Variants in AOPEP observed in about 807,000 individuals in gnomAD.
AOPEP encodes aminopeptidase O (putative).
AOPEP carries 77 observed loss-of-function variants against 98.1 expected under a neutral mutation model. The observed-to-expected ratio is 0.78, with a 90% CI of 0.65 to 0.95. The LOEUF (loss-of-function observed/expected upper bound fraction) is 0.95, where lower values mean the gene tolerates loss of function less well. Among genes scored for constraint, AOPEP ranks in the 40% least tolerant of loss-of-function variants. AOPEP has a pLI of 0.00. For missense variants in AOPEP, 1,024 were observed against 1,024.7 expected (o/e 1.00, Z 0.01); for synonymous variants, 346 against 365.3 (o/e 0.95, Z 0.60).
At chr9:95,132,569 A>G in the AOPEP span, among the ~76,000 whole-genome samples, 1 of 152,234 alleles carries the variant, frequency 6.6e-6, no homozygotes, top group Non-Finnish European at 1.5e-5. Flanking sequence ...CACTTGATGT[A>G]GGAGCTACCA....
chr9:94,925,243 C>T (rs1034267094), intron 6 of AOPEP, among the ~76,000 whole-genome samples: 5 of 152,260 alleles, frequency 3.3e-5, no homozygotes, highest in Non-Finnish European at 5.9e-5. Flanking sequence ...CCCACCTTGG[C>T]CTCCCAAAGT....
chr9:95,003,142 ATGTGTGTG>A (rs139797365), intron 11 of AOPEP, among the ~76,000 whole-genome samples: 4 of 149,480 alleles, frequency 2.7e-5, no homozygotes, highest in South Asian at 2.1e-4. Context: ...AGAATTAAGA[ATGTGTGTG>A]TGTGTGTGTG....
intron 5 of AOPEP, among the ~76,000 whole-genome samples, chr9:94,810,229 AT>A (rs989709741): frequency 1.3e-5 from 2 of 151,826 alleles, no homozygotes; most frequent in Non-Finnish European, 2.9e-5. Flanking sequence ...CCCTGGCCTA[AT>A]TTTCTTCTCT....
intron 5 of AOPEP, among the ~76,000 whole-genome samples, chr9:94,864,527 A>T (rs2045487962): frequency 3.3e-5 from 5 of 152,286 alleles, no homozygotes; most frequent in Admixed American, 3.3e-4. Context: ...TTACGCTGAC[A>T]TTTCTAAAAA....
chr9:94,918,121 G>A (rs541072308), intron 5 of AOPEP, among the ~76,000 whole-genome samples: 1 of 152,286 alleles, frequency 6.6e-6, no homozygotes, highest in African/African-American at 2.4e-5. Flanking sequence ...TCAGGGAGAG[G>A]TAGACTTGTG....
At chr9:94,916,603 C>T (rs1480549328) in intron 5 of AOPEP, among the ~76,000 whole-genome samples, 3 of 151,498 alleles carry the variant, frequency 2.0e-5, no homozygotes, top group African/African-American at 7.3e-5. Flanking sequence ...ACTCGGGAGG[C>T]TGAGACCAGA....
At chr9:94,975,790 G>T (rs910398386) in intron 10 of AOPEP, among the ~76,000 whole-genome samples, 10 of 152,128 alleles carry the variant, frequency 6.6e-5, no homozygotes, top group Non-Finnish European at 1.5e-4. Context: ...CTGCAATTTT[G>T]CTCCAGAGCC....
At chr9:94,833,220 G>A (rs2041116085) in intron 5 of AOPEP, among the ~76,000 whole-genome samples, 1 of 141,144 alleles carries the variant, frequency 7.1e-6, no homozygotes, top group South Asian at 2.3e-4. Flanking sequence ...ACAAGCATGA[G>A]CCACCACACC....
Position 94,916,476 on chromosome 9 carries a change from G to C in AOPEP, c.1365-7510G>C, listed in dbSNP as rs1041765376. On this transcript the variant is annotated intron_variant, in intron 5 of 16. Transcript: ENST00000375315. ...TCCCAGCACTTTGGGAGGCCGAGGCGGGCAGACCATGAGGTCAGGAATTCA... is the reference window on the plus strand; with the variant it reads ...TCCCAGCACTTTGGGAGGCCGAGGCCGGCAGACCATGAGGTCAGGAATTCA... Among the ~76,000 whole-genome samples the C allele has an allele frequency of 2.0e-5, 3 of 152,152 alleles. No individual in the cohort carries two copies. In the South Asian group the frequency reaches 6.2e-4, roughly 32 times the overall value.
At chr9:95,087,897 T>C (rs1182387536), downstream of AOPEP, among the ~76,000 whole-genome samples, 1 of 152,188 alleles carries the variant, frequency 6.6e-6, no homozygotes, top group African/African-American at 2.4e-5. Flanking sequence ...TCTGCCTGGC[T>C]CCAGGGGGCA....
rs139690380 is a variant in AOPEP at position 94,947,340 on chromosome 9, G to A, written c.1662-7837G>A. Among the ~76,000 whole-genome samples the A allele has an allele frequency of 7.0e-4, 106 of 151,990 alleles. 1 individual carries two copies. The East Asian group carries it at 0.016, about 23-fold the overall frequency. On this transcript the variant is annotated intron_variant, in intron 7 of 16. Coordinates refer to ENST00000375315, the MANE Select transcript of AOPEP (RefSeq NM_001193329.3). ...GTCGCCCAGGCTAGAATGCAGTGGC[G>A]CAATCAAAGTTCACTGCAGCCTTGA... is the stretch of plus-strand genomic sequence containing the variant.
chr9:95,141,009 G>A, the AOPEP span, among the ~76,000 whole-genome samples: 5 of 151,848 alleles, frequency 3.3e-5, no homozygotes, highest in African/African-American at 1.2e-4. Context: ...ATCTTATTAA[G>A]GTTAAAAAAA....
chr9:95,123,754 A>G, the AOPEP span: 8 of 696,540 alleles, frequency 1.1e-5, no homozygotes, highest in South Asian at 2.7e-5. Context: ...TGAGTTGTGC[A>G]ATTCACAGCA....
In AOPEP at chr9:95,080,671, T is replaced by C. The variant is rs554817183; in HGVS notation, c.2233-23T>C. 3 of 1,598,858 alleles carry C rather than the reference T, an allele frequency of 1.9e-6. No individual in the cohort carries two copies. The South Asian group carries it at 3.3e-5, about 18-fold the overall frequency. The stretch of plus-strand genomic sequence containing the variant: ...GGATGCCTGCCTGCTTGTCGCTCAC[T>C]GGGCTCTCTCTTGTTCCTCCAGGTT... On this transcript the variant is annotated intron_variant, in intron 14 of 16. Coordinates refer to ENST00000375315, the MANE Select transcript of AOPEP (RefSeq NM_001193329.3).
In AOPEP at chr9:94,928,542, A is replaced by C. The variant is rs962158033; in HGVS notation, c.1661+11A>C. ...GATGCAGGTGTTAAGGTAAAGCTGCATGGTGATCCACAGCCCTCTCATTCC... is the reference window on the plus strand; with the variant it reads ...GATGCAGGTGTTAAGGTAAAGCTGCCTGGTGATCCACAGCCCTCTCATTCC... On this transcript the variant is annotated intron_variant, in intron 7 of 16. Coordinates refer to ENST00000375315, the MANE Select transcript of AOPEP (RefSeq NM_001193329.3). 2.0e-6 allele frequency: 3 copies of C among 1,535,852 alleles called. No individual in the cohort carries two copies. In the African/African-American group the frequency reaches 4.1e-5, roughly 21 times the overall value.
chr9:95,034,141 C>A (rs1411165560), intron 13 of AOPEP, among the ~76,000 whole-genome samples: 2 of 152,086 alleles, frequency 1.3e-5, no homozygotes, highest in East Asian at 1.9e-4. Flanking sequence ...TTCCAGGGTA[C>A]CTATTTGAAA....
rs370811931 is a variant in AOPEP, at chr9:94,834,662, G to A, written c.1364+33660G>A. 5.5e-4 allele frequency among the ~76,000 whole-genome samples: 83 copies of A among 152,112 alleles called. 3 individuals carry two copies. The highest frequency in any genetic ancestry group is 2.0e-3 in the African/African-American group (82 of 41,516). On this transcript the variant is annotated intron_variant, in intron 5 of 16. Transcript: ENST00000375315. ...CAAAAAATTAGCCCACTGTGGTGAC[G>A]TGCACCTGTAGTCCCAGCTACTCGG...
intron 13 of AOPEP, among the ~76,000 whole-genome samples, chr9:95,037,650 G>A (rs1318013765): frequency 1.3e-5 from 2 of 152,194 alleles, no homozygotes; most frequent in Non-Finnish European, 2.9e-5. Flanking sequence ...CATGTCAGGA[G>A]TAGGAATGGT....
Position 94,759,500 on chromosome 9 carries a change from G to A in AOPEP, c.-135-149G>A. 2.9e-5 allele frequency: 10 copies of A among 346,822 alleles called. No individual in the cohort carries two copies. In the South Asian group the frequency reaches 5.9e-4, roughly 20 times the overall value. The allele number at this position is 346,822 out of a possible 1,614,324, so 21.5% of individuals were successfully genotyped here. A position where few individuals can be genotyped will look rare whatever the true frequency, so the allele number is the denominator to read the frequency against. On this transcript the variant is annotated intron_variant, in intron 1 of 16. Transcript: ENST00000375315. ...CATAATGCAGCTTTCTTTCATGTCA[G>A]TAGAAAAGATAAGTCAGCCTTCTAG...
Sources: gnomAD v4.1 joint callset for allele counts (sites outside exome capture counted in the v4.1 genomes callset) on GRCh38, gnomAD v4.1.1 for gene constraint, MANE v1.5 for transcripts, NCBI Gene and HGNC (gene_info 2026-07-23, HGNC 2026-07-21) for gene names.